Variants in CAMTA1 observed in about 807,000 individuals in gnomAD.
The protein encoded by CAMTA1 is calmodulin-binding transcription activator 1.
Under a neutral mutation model 170.9 loss-of-function variants are expected in CAMTA1, and 27 were observed. The ratio of observed to expected loss-of-function variants is 0.16; its 90% CI spans 0.12 to 0.22. The LOEUF is 0.22. CAMTA1 is among the 10% of genes least tolerant of loss of function. The pLI is 1.00. For missense variants in CAMTA1, 1,619 were observed against 2,217.2 expected (o/e 0.73, Z 5.42); for synonymous variants, 833 against 891.5 (o/e 0.93, Z 1.17).
At chr1:7,516,507 T>A (rs1247346542) in intron 6 of CAMTA1, among the ~76,000 whole-genome samples, 1 of 152,154 alleles carries the variant, frequency 6.6e-6, no homozygotes, top group Non-Finnish European at 1.5e-5. Flanking sequence ...ATGCTTTGGA[T>A]GGCTGGGCTG....
At chr1:6,852,812 ACTCAGT>A (rs1474104697) in intron 3 of CAMTA1, among the ~76,000 whole-genome samples, 1 of 152,106 alleles carries the variant, frequency 6.6e-6, no homozygotes, top group Admixed American at 6.5e-5. Context: ...TGGTTATTGA[ACTCAGT>A]CTCTAACCTC....
At chr1:6,975,505 G>A (rs973083950) in intron 3 of CAMTA1, among the ~76,000 whole-genome samples, 2 of 152,152 alleles carry the variant, frequency 1.3e-5, no homozygotes, top group Admixed American at 1.3e-4. Flanking sequence ...CGAATGCTAC[G>A]AGAGTCTGGG....
chr1:7,042,276 C>T (rs530052434), intron 3 of CAMTA1, among the ~76,000 whole-genome samples: 1 of 152,322 alleles, frequency 6.6e-6, no homozygotes, highest in South Asian at 2.1e-4. Context: ...CGTCCCCCTT[C>T]CCTGGGCTGC....
chr1:7,001,246 G>A (rs1698169268), intron 3 of CAMTA1, among the ~76,000 whole-genome samples: 1 of 152,148 alleles, frequency 6.6e-6, no homozygotes, highest in African/African-American at 2.4e-5. Flanking sequence ...CAGGAGGATA[G>A]GAGTTTGTCT....
At chr1:7,225,667 T>C (rs776181509) in intron 4 of CAMTA1, among the ~76,000 whole-genome samples, 5 of 152,210 alleles carry the variant, frequency 3.3e-5, no homozygotes, top group Non-Finnish European at 5.9e-5. Context: ...GCTCAGACAC[T>C]TAGCAGGATT....
intron 10 of CAMTA1, among the ~76,000 whole-genome samples, chr1:7,672,867 C>G (rs1380398232): frequency 3.9e-5 from 6 of 152,148 alleles, no homozygotes; most frequent in African/African-American, 1.2e-4. Flanking sequence ...CACCCCACCC[C>G]CTGCTGGCCC....
chr1:7,307,910 T>G (rs2149590212), intron 5 of CAMTA1, among the ~76,000 whole-genome samples: 1 of 152,138 alleles, frequency 6.6e-6, no homozygotes, highest in South Asian at 2.1e-4. Flanking sequence ...TCTGGAAGAG[T>G]TTGTGTAAAA....
chr1:7,194,825 C>T (rs1196794184), intron 4 of CAMTA1, among the ~76,000 whole-genome samples: 1 of 152,224 alleles, frequency 6.6e-6, no homozygotes, highest in Non-Finnish European at 1.5e-5. Flanking sequence ...CTCTTCTCTT[C>T]TGCTAAGAGG....
intron 6 of CAMTA1, among the ~76,000 whole-genome samples, chr1:7,582,354 C>T (rs1004279028): frequency 1.1e-4 from 17 of 152,142 alleles, no homozygotes; most frequent in African/African-American, 3.6e-4. Flanking sequence ...CCTCAGTGCC[C>T]TGATTCACCC....
chr1:7,048,796 C>T (rs1306585372), intron 3 of CAMTA1, among the ~76,000 whole-genome samples: 3 of 152,200 alleles, frequency 2.0e-5, no homozygotes, highest in South Asian at 2.1e-4. Flanking sequence ...TGTGCAGACA[C>T]AGTCTGTGTG....
At chr1:7,713,447 A>G (rs1177396940) in intron 11 of CAMTA1, among the ~76,000 whole-genome samples, 3 of 141,824 alleles carry the variant, frequency 2.1e-5, no homozygotes, top group Non-Finnish European at 4.6e-5. Flanking sequence ...CCCAGCCCCC[A>G]CCCCACAAAA....
chr1:7,471,448 C>T (rs969580684), intron 6 of CAMTA1, among the ~76,000 whole-genome samples: 1 of 152,260 alleles, frequency 6.6e-6, no homozygotes, highest in South Asian at 2.1e-4. Context: ...GGGCCAGAGC[C>T]ATGACCTGGA....
intron 19 of CAMTA1, among the ~76,000 whole-genome samples, chr1:7,750,339 C>A (rs2096887572): frequency 6.6e-6 from 1 of 152,226 alleles, no homozygotes; most frequent in Admixed American, 6.5e-5. Flanking sequence ...CAGGGATTTT[C>A]TGGGGAATAT....
At chr1:7,410,361 C>T (rs1003276272) in intron 5 of CAMTA1, among the ~76,000 whole-genome samples, 1 of 152,206 alleles carries the variant, frequency 6.6e-6, no homozygotes, top group Non-Finnish European at 1.5e-5. Flanking sequence ...GGTCCCACCC[C>T]TCACCGTCAC....
intron 11 of CAMTA1, among the ~76,000 whole-genome samples, chr1:7,716,637 AGTT>A (rs2149726874): frequency 4.8e-5 from 2 of 41,406 alleles, no homozygotes; most frequent in Admixed American, 6.5e-4. Context: ...TTAGCAAGAC[AGTT>A]AGCACCGTCT....
chr1:6,887,531 T>C lies in CAMTA1; in HGVS notation c.234+62321T>C. The stretch of plus-strand genomic sequence containing the variant: ...GTATGTGTGTGTTTAATATATACTT[T>C]AGTTTGCCTTTACCCAGATGTCTCC... On this transcript the variant is annotated intron_variant, in intron 3 of 22. Transcript: ENST00000303635. The surrounding 1 kb of genome is among the most constrained non-coding windows in gnomAD (Gnocchi z 4.1). 1.4e-6 allele frequency: 2 copies of C among 1,415,124 alleles called. No homozygotes were observed. Among genetic ancestry groups the C allele is most frequent in the Non-Finnish European group, 1.9e-6 (2 of 1,066,160 alleles). The allele number at this position is 1,415,124 out of a possible 1,614,324, so 87.7% of individuals were successfully genotyped here. A position where few individuals can be genotyped will look rare whatever the true frequency, so the allele number is the denominator to read the frequency against.
chr1:7,403,122 G>A (rs917920180), intron 5 of CAMTA1, among the ~76,000 whole-genome samples: 1 of 152,154 alleles, frequency 6.6e-6, no homozygotes, highest in East Asian at 1.9e-4. Flanking sequence ...GGAGGCCTAG[G>A]TGGGGGGATC....
intron 4 of CAMTA1, among the ~76,000 whole-genome samples, chr1:7,235,336 GA>G (rs1484255349): frequency 6.6e-6 from 1 of 152,088 alleles, no homozygotes; most frequent in Non-Finnish European, 1.5e-5. Flanking sequence ...CTTTTATTCA[GA>G]AAAATGAGGC....
At chr1:7,740,502 C>T (rs531679932) in intron 16 of CAMTA1, among the ~76,000 whole-genome samples, 3 of 152,138 alleles carry the variant, frequency 2.0e-5, no homozygotes, top group African/African-American at 7.2e-5. Context: ...TAGATTACAT[C>T]GAAAATCAGC....
Sources: allele counts gnomAD v4.1 joint callset (sites outside exome capture counted in the v4.1 genomes callset), GRCh38; gene constraint gnomAD v4.1.1; non-coding constraint Gnocchi (gnomAD v3.1); transcripts MANE v1.5; gene names NCBI Gene and HGNC (gene_info 2026-07-23, HGNC 2026-07-21).